Variants in WWTR1 observed in about 807,000 individuals in gnomAD.
WWTR1 encodes WW domain containing transcription regulator 1, also known as WW domain-containing transcription regulator protein 1.
Under a neutral mutation model 40.1 loss-of-function variants are expected in WWTR1, and 13 were observed. The ratio of observed to expected loss-of-function variants is 0.32; its 90% CI spans 0.21 to 0.52. WWTR1 has a LOEUF of 0.52. WWTR1 is among the 20% of genes least tolerant of loss of function. The pLI, the probability that WWTR1 is intolerant of heterozygous loss-of-function variation, is 0.97. For synonymous variants in WWTR1, 230 were observed against 210.1 expected (o/e 1.09, Z -0.82); for missense variants, 436 against 523.1 (o/e 0.83, Z 1.63).
chr3:149,525,964 A>G (rs1735283611), intron 6 of WWTR1, 49 bp downstream of exon 6: 2 of 1,096,426 alleles, frequency 1.8e-6, no homozygotes, highest in East Asian at 2.7e-5. Context: ...CGAAGAGATC[A>G]TTTAAAAAAC....
rs1713262585 is a variant in WWTR1 at position 149,656,932 on chromosome 3, T to G, written c.375A>C (p.Pro125=). The G allele has an allele frequency of 6.4e-7, 1 of 1,572,448 alleles. No individual in the cohort carries two copies. The highest frequency in any genetic ancestry group is 8.6e-7 in the Non-Finnish European group (1 of 1,162,710). ...QQSYDVTDEL[P]LPPGWEMTFT... Reference sequence around the variant, plus strand: ...AGGTCATCTCCCAGCCCGGGGGCAGTGGCAGCTCGTCGGTCACGTCGTAGG... The same window carrying G: ...AGGTCATCTCCCAGCCCGGGGGCAGGGGCAGCTCGTCGGTCACGTCGTAGG... Residue 125 remains proline, a synonymous_variant, in exon 2 of 7, where the codon CCA becomes CCC. Coordinates refer to ENST00000360632, the MANE Select transcript of WWTR1 (RefSeq NM_015472.6).
chr3:149,645,967 C>T (rs1712503246), intron 2 of WWTR1, among the ~76,000 whole-genome samples: 1 of 152,038 alleles, frequency 6.6e-6, no homozygotes, highest in African/African-American at 2.4e-5. Context: ...AATTTTAAAA[C>T]AATGAGTTAC....
chr3:149,570,962 G>C (rs1560065599), intron 3 of WWTR1, among the ~76,000 whole-genome samples: 1 of 152,146 alleles, frequency 6.6e-6, no homozygotes, highest in African/African-American at 2.4e-5. Context: ...ATAGGAGTTA[G>C]TTAAATAAAC....
chr3:149,557,951 G>A (rs577046220), intron 3 of WWTR1, among the ~76,000 whole-genome samples: 14 of 150,598 alleles, frequency 9.3e-5, no homozygotes, highest in East Asian at 1.9e-4. Flanking sequence ...TGCAGTGAGC[G>A]GAGATCACGC....
upstream of WWTR1, among the ~76,000 whole-genome samples, chr3:149,706,562 C>T (rs1167905699): frequency 1.3e-5 from 2 of 152,124 alleles, no homozygotes; most frequent in African/African-American, 4.8e-5. Context: ...AGGTGATCCA[C>T]CCGCCTCAGC....
intron 3 of WWTR1, among the ~76,000 whole-genome samples, chr3:149,567,734 A>C (rs886251171): frequency 2.0e-5 from 3 of 152,226 alleles, no homozygotes; most frequent in Non-Finnish European, 2.9e-5. Flanking sequence ...AAATACTCAA[A>C]ACAACGTTAT....
chr3:149,704,015 TC>T (rs1715269663), upstream of WWTR1, among the ~76,000 whole-genome samples: 1 of 152,130 alleles, frequency 6.6e-6, no homozygotes, highest in Admixed American at 6.5e-5. Context: ...TTTCCTTCTG[TC>T]ACCAAGGCTG....
At chr3:149,679,975 C>G (rs1032086606) in intron 1 of WWTR1, among the ~76,000 whole-genome samples, 2 of 152,128 alleles carry the variant, frequency 1.3e-5, no homozygotes, top group Admixed American at 1.3e-4. Context: ...CATGGTAAAT[C>G]TCTGCTGGTC....
At chr3:149,616,468 G>A (rs1182455892) in intron 2 of WWTR1, among the ~76,000 whole-genome samples, 1 of 149,946 alleles carries the variant, frequency 6.7e-6, no homozygotes, top group Non-Finnish European at 1.5e-5. Context: ...CCGAGGTGGA[G>A]TTTCACTCTT....
At chr3:149,638,582 G>C (rs1446259955) in intron 2 of WWTR1, among the ~76,000 whole-genome samples, 2 of 151,736 alleles carry the variant, frequency 1.3e-5, no homozygotes, top group Non-Finnish European at 2.9e-5. Context: ...TCTCTGACTC[G>C]CTTGGCCTGT....
chr3:149,580,962 G>A (rs773947257), intron 2 of WWTR1, among the ~76,000 whole-genome samples: 2 of 152,158 alleles, frequency 1.3e-5, no homozygotes, highest in Non-Finnish European at 2.9e-5. Flanking sequence ...TCTGCTTAAC[G>A]TTATCAGTCT....
At chr3:149,600,129 A>G (rs1739178142) in intron 2 of WWTR1, among the ~76,000 whole-genome samples, 1 of 152,210 alleles carries the variant, frequency 6.6e-6, no homozygotes, top group Admixed American at 6.5e-5. Context: ...TCTATAAAGG[A>G]CTTGAGCGTC....
At chr3:149,663,683 G>A (rs762932210) in intron 2 of WWTR1, among the ~76,000 whole-genome samples, 2 of 152,014 alleles carry the variant, frequency 1.3e-5, no homozygotes, top group Non-Finnish European at 2.9e-5. Flanking sequence ...GCAACAGAGC[G>A]AGACTCCATC....
intron 2 of WWTR1, among the ~76,000 whole-genome samples, chr3:149,606,697 T>C (rs751497272): frequency 6.6e-6 from 1 of 152,152 alleles, no homozygotes; most frequent in African/African-American, 2.4e-5. Flanking sequence ...GATAATGACA[T>C]AAACAATTAC....
At chr3:149,664,226 G>C (rs1018901912) in intron 2 of WWTR1, among the ~76,000 whole-genome samples, 1 of 152,230 alleles carries the variant, frequency 6.6e-6, no homozygotes, top group African/African-American at 2.4e-5. Context: ...CCAGGGTTGG[G>C]TCACCATTAG....
intron 6 of WWTR1, chr3:149,525,573 A>T (rs2107904100): frequency 6.6e-6 from 1 of 152,366 alleles, no homozygotes; most frequent in East Asian, 1.9e-4. Context: ...TTCAGCTGTT[A>T]TTTTATGTTG....
intron 4 of WWTR1, among the ~76,000 whole-genome samples, chr3:149,541,605 G>A (rs1449740047): frequency 6.6e-6 from 1 of 151,862 alleles, no homozygotes. Flanking sequence ...CTTGAATCTC[G>A]GGGGGTTCTC....
At chr3:149,669,429 T>A (rs1713978763) in intron 2 of WWTR1, among the ~76,000 whole-genome samples, 1 of 152,206 alleles carries the variant, frequency 6.6e-6, no homozygotes, top group South Asian at 2.1e-4. Context: ...TTCACTTAAA[T>A]AAGGAATTTC....
intron 3 of WWTR1, among the ~76,000 whole-genome samples, chr3:149,558,043 C>G (rs1397291905): frequency 6.6e-6 from 1 of 150,766 alleles, no homozygotes; most frequent in Non-Finnish European, 1.5e-5. Flanking sequence ...TTTTAAGATG[C>G]AAGAGTAGGG....
Sources: allele counts gnomAD v4.1 joint callset (sites outside exome capture counted in the v4.1 genomes callset), GRCh38; gene constraint gnomAD v4.1.1; transcripts MANE v1.5; gene names NCBI Gene and HGNC (gene_info 2026-07-23, HGNC 2026-07-21).